The following AKT3 variants were observed in gnomAD, a reference collection of about 807,000 sequenced individuals.
The protein encoded by AKT3 is AKT serine/threonine kinase 3.
Under a neutral mutation model 65.3 loss-of-function variants are expected in AKT3, and 15 were observed. The observed-to-expected ratio is 0.23, with a 90% CI of 0.15 to 0.35. The LOEUF is 0.35. AKT3 is among the 10% of genes least tolerant of loss of function. AKT3 has a pLI of 1.00. For synonymous variants in AKT3, 206 were observed against 183.8 expected (o/e 1.12, Z -0.98); for missense variants, 243 against 576.5 (o/e 0.42, Z 5.92).
At chr1:243,650,699 G>A (rs572192337) in intron 4 of AKT3, among the ~76,000 whole-genome samples, 1 of 152,132 alleles carries the variant, frequency 6.6e-6, no homozygotes, top group South Asian at 2.1e-4. Context: ...GTTTATCAAA[G>A]ATCAGATGGT....
At chr1:243,531,256 A>G (rs1458737959) in intron 12 of AKT3, among the ~76,000 whole-genome samples, 2 of 151,972 alleles carry the variant, frequency 1.3e-5, no homozygotes, top group East Asian at 1.9e-4. Flanking sequence ...ATGCCCGGCT[A>G]ATTTTTTGTT....
chr1:243,791,088 G>T (rs540429155), intron 2 of AKT3, among the ~76,000 whole-genome samples: 11 of 152,254 alleles, frequency 7.2e-5, no homozygotes, highest in African/African-American at 2.6e-4. Context: ...TCGACTCAAG[G>T]TTGCCACAAA....
chr1:243,772,260 G>C (rs1463637205), intron 2 of AKT3, among the ~76,000 whole-genome samples: 1 of 151,948 alleles, frequency 6.6e-6, no homozygotes, highest in Non-Finnish European at 1.5e-5. Context: ...GCAACCTACA[G>C]AATGGGAGAA....
At chr1:243,609,830 T>TC (rs1677736327) in intron 8 of AKT3, among the ~76,000 whole-genome samples, 1 of 152,208 alleles carries the variant, frequency 6.6e-6, no homozygotes, top group Non-Finnish European at 1.5e-5. Flanking sequence ...AAAATTTTTT[T>TC]CAATAATCAT....
chr1:243,693,735 C>T (rs549919280), intron 3 of AKT3, among the ~76,000 whole-genome samples: 2 of 152,206 alleles, frequency 1.3e-5, no homozygotes, highest in African/African-American at 2.4e-5. Context: ...CTCATTCTTT[C>T]CTCACATAAC....
chr1:243,808,378 C>A (rs891456987), intron 2 of AKT3: 2 of 151,838 alleles, frequency 1.3e-5, no homozygotes, highest in East Asian at 1.9e-4. Flanking sequence ...AACTACGTGA[C>A]GAATGCACAA....
chr1:243,714,030 T>C (rs1477253176), intron 2 of AKT3, among the ~76,000 whole-genome samples: 2 of 152,168 alleles, frequency 1.3e-5, no homozygotes, highest in Non-Finnish European at 2.9e-5. Context: ...TAAATCATGT[T>C]GGGTTTTTTC....
intron 8 of AKT3, among the ~76,000 whole-genome samples, chr1:243,576,121 C>T (rs1674924391): frequency 6.6e-6 from 1 of 151,988 alleles, no homozygotes; most frequent in African/African-American, 2.4e-5. Context: ...ATAAACAGAA[C>T]TAAACACAAA....
At chr1:243,583,896 T>C (rs1675603931) in intron 8 of AKT3, among the ~76,000 whole-genome samples, 2 of 151,804 alleles carry the variant, frequency 1.3e-5, no homozygotes, top group South Asian at 2.1e-4. Context: ...TACTCTAACA[T>C]CACATCTAGA....
intron 2 of AKT3, among the ~76,000 whole-genome samples, chr1:243,776,769 T>C (rs1286176559): frequency 6.6e-6 from 1 of 152,214 alleles, no homozygotes; most frequent in Non-Finnish European, 1.5e-5. Flanking sequence ...TAACCAGTAC[T>C]GTTCCGCTGA....
intron 4 of AKT3, among the ~76,000 whole-genome samples, chr1:243,661,430 A>C (rs1682319316): frequency 6.6e-6 from 1 of 151,956 alleles, no homozygotes; most frequent in Admixed American, 6.6e-5. Flanking sequence ...TCTTTGACAA[A>C]CCTGAGAAAA....
intron 8 of AKT3, among the ~76,000 whole-genome samples, chr1:243,580,594 C>G (rs959638265): frequency 6.6e-6 from 1 of 152,180 alleles, no homozygotes; most frequent in Admixed American, 6.5e-5. Context: ...AGTACCCCAA[C>G]AACAGGGCTA....
chr1:243,597,738 G>A (rs1270529546), intron 8 of AKT3, among the ~76,000 whole-genome samples: 1 of 152,212 alleles, frequency 6.6e-6, no homozygotes, highest in Non-Finnish European at 1.5e-5. Context: ...TTGGGTTCAA[G>A]TGATCCTCCT....
At chr1:243,664,933 GA>G in intron 3 of AKT3, 50 bp from the exon 4 acceptor site, 1 of 1,118,358 alleles carries the variant, frequency 8.9e-7, no homozygotes, top group East Asian at 2.8e-5. Context: ...TTTAAAACAA[GA>G]AGTAAATAAT....
At chr1:243,833,932 C>T (rs935005460) in intron 2 of AKT3, among the ~76,000 whole-genome samples, 3 of 151,356 alleles carry the variant, frequency 2.0e-5, no homozygotes, top group African/African-American at 4.9e-5. Context: ...GCCACATATA[C>T]GATTTTTAAA....
chr1:243,734,109 G>A (rs1018923034), intron 2 of AKT3, among the ~76,000 whole-genome samples: 4 of 152,180 alleles, frequency 2.6e-5, no homozygotes, highest in Non-Finnish European at 5.9e-5. Context: ...TGAGGGCTGT[G>A]ACTATTTCAG....
intron 2 of AKT3, among the ~76,000 whole-genome samples, chr1:243,709,233 T>G (rs1356675430): frequency 2.0e-5 from 3 of 148,714 alleles, no homozygotes; most frequent in Non-Finnish European, 3.0e-5. Flanking sequence ...TATCCAACTT[T>G]CCAGGTCCCA....
intron 2 of AKT3, chr1:243,793,697 A>T (rs1018333321): frequency 6.6e-6 from 1 of 151,634 alleles, no homozygotes; most frequent in Non-Finnish European, 1.5e-5. Context: ...CTTTGAGCCC[A>T]GGAGATCAAG....
chr1:243,820,111 G>C (rs1693766857), intron 2 of AKT3, among the ~76,000 whole-genome samples: 1 of 152,046 alleles, frequency 6.6e-6, no homozygotes, highest in Non-Finnish European at 1.5e-5. Context: ...AGTAGAGACA[G>C]GGTTTCACTG....
Sources: gnomAD v4.1 joint callset for allele counts (sites outside exome capture counted in the v4.1 genomes callset) on GRCh38, gnomAD v4.1.1 for gene constraint, MANE v1.5 for transcripts, NCBI Gene and HGNC (gene_info 2026-07-23, HGNC 2026-07-21) for gene names.